FBXO40: variants seen among roughly 807,000 people sequenced by gnomAD.
The protein encoded by FBXO40 is F-box protein 40, also known as F-box only protein 40.
A neutral mutation model predicts 49.9 loss-of-function variants in FBXO40; 50 were observed. The ratio of observed to expected loss-of-function variants is 1.00; its 90% confidence interval spans 0.80 to 1.27. The LOEUF (loss-of-function observed/expected upper bound fraction) is 1.27, where lower values mean the gene tolerates loss of function less well. FBXO40 is among the 50% of genes most tolerant of loss of function. FBXO40 has a pLI of 0.00. For missense variants in FBXO40, 895 were observed against 870.1 expected (o/e 1.03, Z -0.36); for synonymous variants, 340 against 320.2 (o/e 1.06, Z -0.66).
At position 121,622,215 on chromosome 3, in the gene FBXO40, C is replaced by G. The variant is rs773539981; in HGVS notation, c.786C>G (p.Gly262=). ...GCCATAACATGGTAGAAGGAGAGGGCGCTCCCAAAAAGAAAGAACCACAGG... is the reference window on the plus strand; with the variant it reads ...GCCATAACATGGTAGAAGGAGAGGGGGCTCCCAAAAAGAAAGAACCACAGG... ...SSGHNMVEGE[G]APKKKEPQEN... is the part of the protein sequence containing the mutation. Residue 262 remains glycine, a synonymous_variant, in exon 3 of 4, where the codon GGC becomes GGG. Coordinates refer to ENST00000338040, the MANE Select transcript of FBXO40 (RefSeq NM_016298.4). The G allele has an allele frequency of 6.2e-7, 1 of 1,613,810 alleles. No individual in the cohort carries two copies. Among genetic ancestry groups the G allele is most frequent in the Non-Finnish European group, 8.5e-7 (1 of 1,179,926 alleles).
chr3:121,619,255 T>C (rs1288931880), intron 1 of FBXO40, among the ~76,000 whole-genome samples: 1 of 152,034 alleles, frequency 6.6e-6, no homozygotes, highest in Non-Finnish European at 1.5e-5. Context: ...GCAATCAACC[T>C]ACCTCAGCCT....
Position 121,621,894 on chromosome 3 carries a change from G to A in FBXO40, c.465G>A (p.Glu155=), listed in dbSNP as rs773338926. 11 of 1,614,206 alleles carry A rather than the reference G, an allele frequency of 6.8e-6. No homozygotes were observed. In the South Asian group the frequency reaches 1.2e-4, roughly 18 times the overall value. ...ELFPETREAT[E]EEPTMNGETS... ...TCCCAGAAACTAGAGAGGCTACTGAGGAGGAACCAACTATGAATGGTGAAA... is the reference window on the plus strand; with the variant it reads ...TCCCAGAAACTAGAGAGGCTACTGAAGAGGAACCAACTATGAATGGTGAAA... Residue 155 remains glutamate, a synonymous_variant, in exon 3 of 4, where the codon GAG becomes GAA. Coordinates refer to ENST00000338040, the MANE Select transcript of FBXO40 (RefSeq NM_016298.4).
chr3:121,612,921 T>A (rs897771022), intron 1 of FBXO40, among the ~76,000 whole-genome samples: 11 of 151,772 alleles, frequency 7.2e-5, no homozygotes, highest in Non-Finnish European at 1.0e-4. Flanking sequence ...TACAAAAAAA[T>A]TAGCCAGGCA....
intron 1 of FBXO40, among the ~76,000 whole-genome samples, chr3:121,604,632 G>A (rs2048921385): frequency 6.6e-6 from 1 of 152,162 alleles, no homozygotes; most frequent in African/African-American, 2.4e-5. Flanking sequence ...TGAGTTATTT[G>A]GGATATATAT....
At chr3:121,608,304 C>T (rs1355964832) in intron 1 of FBXO40, among the ~76,000 whole-genome samples, 6 of 152,154 alleles carry the variant, frequency 3.9e-5, no homozygotes, top group African/African-American at 7.2e-5. Flanking sequence ...TTCCAAATGT[C>T]GGCATGACCA....
chr3:121,602,852 T>A (rs531228601), intron 1 of FBXO40, among the ~76,000 whole-genome samples: 4 of 152,252 alleles, frequency 2.6e-5, no homozygotes, highest in African/African-American at 9.6e-5. Flanking sequence ...TGTTAAGAGA[T>A]CAGTAGCTGG....
chr3:121,622,051 G>A lies in FBXO40; in HGVS notation c.622G>A (p.Glu208Lys). 6.2e-7 allele frequency: 1 copy of A among 1,614,232 alleles called. No homozygotes were observed. The highest frequency in any genetic ancestry group is 8.5e-7 in the Non-Finnish European group (1 of 1,180,038). The change falls in exon 3 of 4, where the codon GAA (glutamate) becomes AAA (lysine). Residue 208 changes from glutamate to lysine, a missense_variant. Physicochemically the swap from Glu to Lys is moderately conservative, Grantham distance 56. Coordinates refer to ENST00000338040, the MANE Select transcript of FBXO40 (RefSeq NM_016298.4). The stretch of plus-strand genomic sequence containing the variant: ...ACGGGAGGTGCTAGCCAAAACCAAA[G>A]AAGGGATGGACCTGGTCAAGTTTGG... ...EEREVLAKTKEGMDLVKFGQW... is the reference protein window; with the variant it reads ...EEREVLAKTKKGMDLVKFGQW...
chr3:121,606,922 C>G (rs192764627), intron 1 of FBXO40, among the ~76,000 whole-genome samples: 322 of 152,276 alleles, frequency 2.1e-3, no homozygotes, highest in Middle Eastern at 0.01. Flanking sequence ...GCCATAGCTA[C>G]TTTGCAATCT....
intron 1 of FBXO40, among the ~76,000 whole-genome samples, chr3:121,611,721 T>C (rs1020103061): frequency 7.2e-5 from 11 of 152,226 alleles, no homozygotes; most frequent in Non-Finnish European, 4.4e-5. Context: ...AGGCCATATT[T>C]CAGACTATCA....
intron 1 of FBXO40, among the ~76,000 whole-genome samples, chr3:121,610,539 T>C (rs1391320348): frequency 1.3e-5 from 2 of 152,200 alleles, no homozygotes; most frequent in African/African-American, 4.8e-5. Flanking sequence ...GTAATTTCCC[T>C]GACTTTATCA....
At chr3:121,611,164 TG>T (rs1167270372) in intron 1 of FBXO40, among the ~76,000 whole-genome samples, 2 of 152,098 alleles carry the variant, frequency 1.3e-5, no homozygotes, top group East Asian at 3.9e-4. Flanking sequence ...GACGAGAGAC[TG>T]AGAAAAGAAA....
Position 121,628,114 on chromosome 3 carries a change from C to T in FBXO40, c.*1204C>T. On this transcript the variant is annotated 3_prime_UTR_variant, in exon 4 of 4. Transcript: ENST00000338040. ...AAAAGACACAGTAGAAACTGGCATC[C>T]CCTAAAGCAGGGCTTCTTAGCCTTG... 1 of 395,598 alleles carries T rather than the reference C, an allele frequency of 2.5e-6. No individual in the cohort carries two copies. Among genetic ancestry groups the T allele is most frequent in the Non-Finnish European group, 4.4e-6 (1 of 224,848 alleles). 24.5% of individuals were successfully genotyped at this position (395,598 alleles called of 1,614,324 possible).
At chr3:121,616,962 G>A (rs1014978544) in intron 1 of FBXO40, among the ~76,000 whole-genome samples, 1 of 152,168 alleles carries the variant, frequency 6.6e-6, no homozygotes, top group African/African-American at 2.4e-5. Context: ...TAAAAAAGTT[G>A]ATCACATGGA....
In FBXO40 at chr3:121,622,893, C is replaced by T; in HGVS notation, c.1464C>T (p.Phe488=). The T allele has an allele frequency of 9.9e-6, 16 of 1,614,178 alleles. No homozygotes were observed. Among genetic ancestry groups the T allele is most frequent in the Non-Finnish European group, 1.2e-5 (14 of 1,180,032 alleles). The change falls in exon 3 of 4, where the codon TTC becomes TTT. Residue 488 remains phenylalanine, a synonymous_variant. Transcript: ENST00000338040. ...TCNKFFRRDE[F]PLHFKNVHTD... is the part of the protein sequence containing the mutation. ...ACAAATTCTTCAGGAGGGATGAGTT[C>T]CCCCTGCACTTCAAGAATGTCCACA...
chr3:121,609,915 A>C (rs1338409249), intron 1 of FBXO40, among the ~76,000 whole-genome samples: 1 of 152,232 alleles, frequency 6.6e-6, no homozygotes, highest in Non-Finnish European at 1.5e-5. Flanking sequence ...TAATAATCTT[A>C]TCTGCCACTT....
intron 1 of FBXO40, among the ~76,000 whole-genome samples, chr3:121,594,583 T>C (rs972361514): frequency 3.3e-5 from 5 of 152,252 alleles, no homozygotes; most frequent in Admixed American, 3.3e-4. Context: ...GTCATTCTCA[T>C]GTAGCTTAAA....
chr3:121,620,696 T>A (rs1169532933), intron 2 of FBXO40, 118 bp downstream of exon 2: 8 of 1,308,760 alleles, frequency 6.1e-6, no homozygotes, highest in East Asian at 2.4e-5. Flanking sequence ...ATTTATCAAC[T>A]TTTTTCCAAA....
intron 1 of FBXO40, among the ~76,000 whole-genome samples, chr3:121,612,020 G>A (rs899603948): frequency 6.6e-6 from 1 of 152,148 alleles, no homozygotes; most frequent in African/African-American, 2.4e-5. Flanking sequence ...TAAAGTACAG[G>A]TCTTTTTCAA....
At chr3:121,607,049 G>A (rs961045611) in intron 1 of FBXO40, among the ~76,000 whole-genome samples, 16 of 152,086 alleles carry the variant, frequency 1.1e-4, no homozygotes, top group African/African-American at 2.2e-4. Flanking sequence ...TGGATCACCC[G>A]AGGTCAAGAG....
Sources: gnomAD v4.1 joint callset for allele counts (sites outside exome capture counted in the v4.1 genomes callset) on GRCh38, gnomAD v4.1.1 for gene constraint, MANE v1.5 for transcripts, NCBI Gene and HGNC (gene_info 2026-07-23, HGNC 2026-07-21) for gene names.